Variants in QRICH1 observed in about 807,000 individuals in gnomAD.
The protein encoded by QRICH1 is glutamine rich 1.
QRICH1 carries 16 observed loss-of-function variants against 87.1 expected under a neutral mutation model. The ratio of observed to expected loss-of-function variants is 0.18; its 90% CI spans 0.12 to 0.28. The LOEUF (loss-of-function observed/expected upper bound fraction) is 0.28, where lower values mean the gene tolerates loss of function less well. Ranked by LOEUF, QRICH1 falls within the 10% of genes least tolerant of loss-of-function variation. The probability of loss-of-function intolerance (pLI) is 1.00; values close to 1 mark genes in which losing one functional copy is unlikely to be tolerated. For missense variants in QRICH1, 647 were observed against 951.7 expected (o/e 0.68, Z 4.21); for synonymous variants, 367 against 368.4 (o/e 1.00, Z 0.05).
intron 6 of QRICH1, among the ~76,000 whole-genome samples, chr3:49,042,555 G>A (rs1241752582): frequency 6.6e-6 from 1 of 151,976 alleles, no homozygotes; most frequent in Non-Finnish European, 1.5e-5. Flanking sequence ...CTGGGGGAGG[G>A]AGGGATAAAC....
rs1481853866 is a variant in QRICH1 at position 49,057,583 on chromosome 3, G to T, written c.617C>A (p.Ala206Asp). The part of the protein sequence containing the change: ...QAQLVAGQSL[A>D]GGQQIQIQTV... ...CTGGATTTGGATCTGCTGACCACCA[G>T]CAAGAGACTGGCCAGCCACCAGCTG... Residue 206 changes from alanine to aspartate, a missense_variant, in exon 3 of 10, where the codon GCT becomes GAT. Ala to Asp is a moderately radical substitution (Grantham distance 126, BLOSUM62 -2). Transcript: ENST00000395443. The surrounding 1 kb of genome is among the most constrained non-coding windows in gnomAD (Gnocchi z 5.4). The T allele has an allele frequency of 1.2e-6, 2 of 1,613,634 alleles. No individual in the cohort carries two copies. Among genetic ancestry groups the T allele is most frequent in the African/African-American group, 1.3e-5 (1 of 74,942 alleles).
intron 3 of QRICH1, among the ~76,000 whole-genome samples, chr3:49,048,940 C>T (rs1423982476): frequency 1.1e-4 from 16 of 150,170 alleles, no homozygotes; most frequent in Non-Finnish European, 3.0e-5. Flanking sequence ...CTTGCTCTTT[C>T]GCCTAGGCTG....
chr3:49,093,930 C>T lies in QRICH1; in HGVS notation c.-40G>A, dbSNP rs895451158. ...CCCTCACCCGGCGACGTCACTGCCGCCGCCGCCGCCGCCTCCGCTGCACCC... is the reference window on the plus strand; with the variant it reads ...CCCTCACCCGGCGACGTCACTGCCGTCGCCGCCGCCGCCTCCGCTGCACCC... On this transcript the variant is annotated 5_prime_UTR_variant, in exon 1 of 10. Coordinates refer to ENST00000395443, the MANE Select transcript of QRICH1 (RefSeq NM_198880.3). 2.5e-6 allele frequency: 1 copy of T among 402,088 alleles called. No individual in the cohort carries two copies. The allele number at this position is 402,088 out of a possible 1,614,324, so 24.9% of individuals were successfully genotyped here.
intron 3 of QRICH1, among the ~76,000 whole-genome samples, chr3:49,048,544 T>A (rs2093352013): frequency 6.7e-6 from 1 of 149,094 alleles, no homozygotes; most frequent in Non-Finnish European, 1.5e-5. Flanking sequence ...GTCCCAGCAC[T>A]TTGGGAGGCC....
Position 49,057,869 on chromosome 3 carries a change from A to C in QRICH1, c.331T>G (p.Ser111Ala). The change falls in exon 3 of 10, where the codon TCT (serine) becomes GCT (alanine). Residue 111 changes from serine (S) to alanine (A), a missense_variant. Transcript: ENST00000395443. This position sits in a 1 kb window ranked among gnomAD's most constrained non-coding sequence, Gnocchi z 5.4. ...QVQVQVQVQQ[S>A]PQQVSAQLSP... ...AGCTGAGCCGAGACCTGTTGCGGAG[A>C]CTGCTGTACCTGCACCTGGACCTGT... is the stretch of plus-strand genomic sequence containing the variant. The C allele has an allele frequency of 6.2e-7, 1 of 1,614,006 alleles. No individual in the cohort carries two copies. The highest frequency in any genetic ancestry group is 8.5e-7 in the Non-Finnish European group (1 of 1,180,002).
At position 49,030,482 on chromosome 3, in the gene QRICH1, G is replaced by A. The variant is rs756561743; in HGVS notation, c.2301C>T (p.Ile767=). 3.1e-6 allele frequency: 5 copies of A among 1,613,570 alleles called. No homozygotes were observed. The highest frequency in any genetic ancestry group is 2.7e-5 in the African/African-American group (2 of 74,892). Residue 767 remains isoleucine (I), a synonymous_variant, in exon 10 of 10, where the codon ATC becomes ATT. Coordinates refer to ENST00000395443, the MANE Select transcript of QRICH1 (RefSeq NM_198880.3). ...GCATAGTGCTTGCATTGGCCACTGC[G>A]ATGGCCTCCTGAATTTCTCTTATCA... ...ILVIREIQEA[I]AVANASTMH
intron 1 of QRICH1, among the ~76,000 whole-genome samples, chr3:49,081,203 G>A (rs72936810): frequency 0.047 from 7,133 of 152,056 alleles, 562 homozygotes; most frequent in African/African-American, 0.16. Context: ...GATCGCCTGA[G>A]GGCAGGAGAT....
At chr3:49,085,165 T>A (rs1010642749) in intron 1 of QRICH1, among the ~76,000 whole-genome samples, 6 of 152,122 alleles carry the variant, frequency 3.9e-5, no homozygotes, top group African/African-American at 1.4e-4. Context: ...ATCATCTTTT[T>A]CTACACAGTG....
chr3:49,067,062 T>C (rs1374658512), intron 2 of QRICH1, among the ~76,000 whole-genome samples: 4 of 151,748 alleles, frequency 2.6e-5, no homozygotes, highest in Non-Finnish European at 5.9e-5. Context: ...AAATTACTTA[T>C]CAATGCTCAA....
chr3:49,092,048 G>A (rs1163108945), intron 1 of QRICH1, among the ~76,000 whole-genome samples: 2 of 151,840 alleles, frequency 1.3e-5, no homozygotes, highest in African/African-American at 2.4e-5. Context: ...CTCCAGCCTG[G>A]GTGACAGAGT....
chr3:49,059,885 C>CTT lies in QRICH1; in HGVS notation c.310-1997_310-1996dup, dbSNP rs560174243. Among the ~76,000 whole-genome samples, 7 of 139,656 alleles carry CTT rather than the reference C, an allele frequency of 5.0e-5. No homozygotes were observed. In the South Asian group the frequency reaches 9.1e-4, roughly 18 times the overall value. 91.6% of individuals were successfully genotyped at this position (139,656 alleles called of 152,430 possible). The stretch of plus-strand genomic sequence containing the variant: ...TGTGCCTGCCATCACATCCAGCTAA[C>CTT]TTTTTTTTTTTTTTTTTGAGACGGA... On this transcript the variant is annotated intron_variant, in intron 2 of 9. Transcript: ENST00000395443.
rs529870142 is a variant in QRICH1 at position 49,085,903 on chromosome 3, G to A, written c.-22+8009C>T. On this transcript the variant is annotated intron_variant, in intron 1 of 9. Coordinates refer to ENST00000395443, the MANE Select transcript of QRICH1 (RefSeq NM_198880.3). The stretch of plus-strand genomic sequence containing the variant: ...GAGAAATGGAGAAACTTCTAAAAGA[G>A]ACAAAAGATTCTTAATTAGCTCCAA... Among the ~76,000 whole-genome samples, 7 of 152,084 alleles carry A rather than the reference G, an allele frequency of 4.6e-5. No homozygotes were observed. In the South Asian group the frequency reaches 1.5e-3, roughly 32 times the overall value.
chr3:49,083,337 A>G (rs1342993157), intron 1 of QRICH1: 1 of 151,908 alleles, frequency 6.6e-6, no homozygotes. Flanking sequence ...CTCTATGCCA[A>G]TCGGGTGTCC....
At chr3:49,049,643 G>C (rs2093358659) in intron 3 of QRICH1, among the ~76,000 whole-genome samples, 1 of 151,712 alleles carries the variant, frequency 6.6e-6, no homozygotes, top group Non-Finnish European at 1.5e-5. Flanking sequence ...GATTACAGGT[G>C]TCTGCCATCA....
At chr3:49,032,931 G>A in intron 7 of QRICH1, 158 bp from the exon 8 acceptor site, 1 of 1,010,032 alleles carries the variant, frequency 9.9e-7, no homozygotes, top group Non-Finnish European at 1.4e-6. Flanking sequence ...ACCACATCAA[G>A]ATGGATGGTA....
intron 2 of QRICH1, among the ~76,000 whole-genome samples, chr3:49,067,021 G>A (rs1394888194): frequency 6.6e-6 from 1 of 151,844 alleles, no homozygotes; most frequent in Non-Finnish European, 1.5e-5. Context: ...CTCATCGACA[G>A]AGACTCTGTC....
intron 2 of QRICH1, among the ~76,000 whole-genome samples, chr3:49,073,140 A>G (rs1445613775): frequency 1.3e-5 from 2 of 152,156 alleles, no homozygotes; most frequent in Non-Finnish European, 2.9e-5. Flanking sequence ...TCCCTTTCCT[A>G]TCCTCTTAGT....
chr3:49,039,923 G>T (rs898116619), intron 6 of QRICH1, among the ~76,000 whole-genome samples: 1 of 151,812 alleles, frequency 6.6e-6, no homozygotes, highest in Admixed American at 6.6e-5. Flanking sequence ...TTAGCTGGGC[G>T]TGGGGCACAT....
chr3:49,047,824 G>GA (rs1390876630), intron 3 of QRICH1, among the ~76,000 whole-genome samples: 7 of 151,846 alleles, frequency 4.6e-5, no homozygotes, highest in African/African-American at 1.7e-4. Flanking sequence ...ACTTACCCCA[G>GA]AATCTCTCTG....
Sources: allele counts gnomAD v4.1 joint callset (sites outside exome capture counted in the v4.1 genomes callset), GRCh38; gene constraint gnomAD v4.1.1; non-coding constraint Gnocchi (gnomAD v3.1); transcripts MANE v1.5; gene names NCBI Gene and HGNC (gene_info 2026-07-23, HGNC 2026-07-21).